The following RPIA variants were observed in gnomAD, a reference collection of about 807,000 sequenced individuals.
The protein encoded by RPIA is ribose 5-phosphate isomerase A.
In RPIA, 29 loss-of-function variants were observed where a neutral mutation model predicts 37.8. That is an observed-to-expected ratio of 0.77 (90% confidence interval 0.57 to 1.05). RPIA has a LOEUF of 1.05. RPIA is among the 50% of genes least tolerant of loss of function. The pLI is 0.00. For synonymous variants in RPIA, 167 were observed against 157.0 expected (o/e 1.06, Z -0.48); for missense variants, 385 against 413.6 (o/e 0.93, Z 0.60).
intron 4 of RPIA, among the ~76,000 whole-genome samples, 161 bp from the exon 5 acceptor site, chr2:88,734,391 G>A (rs2104131487): frequency 6.6e-6 from 1 of 152,302 alleles, no homozygotes; most frequent in South Asian, 2.1e-4. Flanking sequence ...TCCTAGTGGA[G>A]CAGCTTAACC....
chr2:88,707,894 C>G (rs1426844429), intron 3 of RPIA, among the ~76,000 whole-genome samples: 2 of 152,180 alleles, frequency 1.3e-5, no homozygotes, highest in African/African-American at 2.4e-5. Flanking sequence ...GTGGGGGCCT[C>G]TTGATAGTTT....
chr2:88,710,050 C>G (rs1295163036), intron 3 of RPIA, among the ~76,000 whole-genome samples: 7 of 151,904 alleles, frequency 4.6e-5, no homozygotes, highest in Non-Finnish European at 1.0e-4. Flanking sequence ...CAAGGCAGTT[C>G]TTTTGTTTTT....
intron 3 of RPIA, among the ~76,000 whole-genome samples, chr2:88,713,829 A>C (rs571626879): frequency 6.7e-6 from 1 of 149,286 alleles, no homozygotes; most frequent in East Asian, 1.9e-4. Flanking sequence ...CTTTGTTCTC[A>C]TGTGTTCAGT....
intron 8 of RPIA, among the ~76,000 whole-genome samples, chr2:88,739,037 A>C (rs1447662176): frequency 1.3e-5 from 2 of 152,182 alleles, no homozygotes; most frequent in Non-Finnish European, 2.9e-5. Flanking sequence ...CCCTGCGTGA[A>C]GGATGGGTGG....
At position 88,738,067 on chromosome 2, in the gene RPIA, A is replaced by G; in HGVS notation, c.829A>G (p.Met277Val). 6.2e-7 allele frequency: 1 copy of G among 1,612,610 alleles called. No homozygotes were observed. Among genetic ancestry groups the G allele is most frequent in the Non-Finnish European group, 8.5e-7 (1 of 1,178,650 alleles). Residue 277 changes from methionine to valine, a missense_variant, in exon 8 of 9, where the codon ATG becomes GTG. Transcript: ENST00000283646. ...GAGTGAAGTGAATACAGCTATCAAA[A>G]TGATCCCAGGTAACATGAGTGGTGT... The part of the protein sequence containing the change: ...KWSEVNTAIK[M>V]IPGVVDTGLF...
intron 1 of RPIA, among the ~76,000 whole-genome samples, chr2:88,694,531 AAC>A (rs775314373): frequency 6.6e-6 from 1 of 152,018 alleles, no homozygotes; most frequent in Non-Finnish European, 1.5e-5. Flanking sequence ...TGATATTTTA[AAC>A]ACACACACAC....
rs1673494729 is a variant in RPIA at position 88,750,621 on chromosome 2, G to T, written c.*543G>T. ...CTTAAGATCAGGTTTATAAAACTGT[G>T]GAGTGGAGCGGTATGGTATGGAATG... On this transcript the variant is annotated 3_prime_UTR_variant, in exon 9 of 9. Coordinates refer to ENST00000283646, the MANE Select transcript of RPIA (RefSeq NM_144563.3). 3 of 405,138 alleles carry T rather than the reference G, an allele frequency of 7.4e-6. No homozygotes were observed. 25.1% of individuals were successfully genotyped at this position (405,138 alleles called of 1,614,324 possible).
At chr2:88,724,001 A>G (rs1297843423) in intron 3 of RPIA, among the ~76,000 whole-genome samples, 4 of 152,286 alleles carry the variant, frequency 2.6e-5, no homozygotes, top group Non-Finnish European at 5.9e-5. Flanking sequence ...AAAGGAGGCA[A>G]TCAGATATGC....
At chr2:88,722,310 A>G (rs1156471510) in intron 3 of RPIA, among the ~76,000 whole-genome samples, 1 of 152,206 alleles carries the variant, frequency 6.6e-6, no homozygotes, top group South Asian at 2.1e-4. Context: ...ATATTTTCCT[A>G]CAATATATTT....
chr2:88,722,703 G>A (rs890854715), intron 3 of RPIA, among the ~76,000 whole-genome samples: 1 of 152,190 alleles, frequency 6.6e-6, no homozygotes, highest in Admixed American at 6.5e-5. Flanking sequence ...TGCCCCCACA[G>A]CCAAAGAGGT....
chr2:88,735,726 C>A lies in RPIA; in HGVS notation c.585C>A (p.Ile195=). 3.1e-6 allele frequency: 5 copies of A among 1,613,964 alleles called. No individual in the cohort carries two copies. Among genetic ancestry groups the A allele is most frequent in the East Asian group, 2.2e-5 (1 of 44,870 alleles). Residue 195 remains isoleucine (I), a synonymous_variant, in exon 6 of 9, where the codon ATC becomes ATA. Transcript: ENST00000283646. ...GCTATGCTAGTCGCTTCATCGTGAT[C>A]GCTGATTTCAGGTACAGTTTCTGGT... The part of the protein sequence containing the change: ...VAGYASRFIV[I]ADFRKDSKNL...
At chr2:88,702,242 A>G (rs1672841424) in intron 3 of RPIA, among the ~76,000 whole-genome samples, 1 of 152,236 alleles carries the variant, frequency 6.6e-6, no homozygotes, top group African/African-American at 2.4e-5. Flanking sequence ...ACCAAATGGC[A>G]GTATAATTTA....
intron 3 of RPIA, among the ~76,000 whole-genome samples, chr2:88,723,218 A>G (rs965754980): frequency 2.0e-4 from 31 of 152,292 alleles, no homozygotes; most frequent in African/African-American, 7.5e-4. Context: ...AAGACCAACT[A>G]GTTATTAAGC....
At chr2:88,717,510 T>G (rs1051878316) in intron 3 of RPIA, among the ~76,000 whole-genome samples, 14 of 152,294 alleles carry the variant, frequency 9.2e-5, no homozygotes, top group Non-Finnish European at 1.6e-4. Context: ...GGTTGCATTC[T>G]TTTGAGTTTC....
chr2:88,741,727 C>A (rs1183307553), intron 8 of RPIA, among the ~76,000 whole-genome samples: 1 of 152,202 alleles, frequency 6.6e-6, no homozygotes, highest in African/African-American at 2.4e-5. Context: ...TTCACTGCAT[C>A]CATGCCAACA....
rs771291712 is a variant in RPIA, at chr2:88,700,003, C to T, written c.347-6C>T. The T allele has an allele frequency of 1.2e-6, 2 of 1,614,138 alleles. No homozygotes were observed. The highest frequency in any genetic ancestry group is 1.7e-6 in the Non-Finnish European group (2 of 1,179,980). ...AAAACTGCCAATATGGCTTTTGTTT[C>T]CACAGCTGAAAGGGTGAAGCAAGAG... On this transcript the variant is annotated splice_region_variant and splice_polypyrimidine_tract_variant and intron_variant, in intron 2 of 8. Transcript: ENST00000283646.
chr2:88,700,187 A>G (rs1037828334), intron 3 of RPIA, 123 bp downstream of exon 3: 2 of 893,872 alleles, frequency 2.2e-6, no homozygotes, highest in African/African-American at 3.3e-5. Context: ...GTCCAGGAAT[A>G]GGAGAGTTTA....
At chr2:88,720,687 A>G (rs998966003) in intron 3 of RPIA, among the ~76,000 whole-genome samples, 7 of 151,784 alleles carry the variant, frequency 4.6e-5, no homozygotes, top group Non-Finnish European at 1.0e-4. Flanking sequence ...ACTGGTTAGA[A>G]TGGCTATCAT....
At chr2:88,719,964 C>A (rs1012164588) in intron 3 of RPIA, among the ~76,000 whole-genome samples, 2 of 152,158 alleles carry the variant, frequency 1.3e-5, no homozygotes, top group Non-Finnish European at 2.9e-5. Context: ...TTGGCCCTTA[C>A]AATCTCACAC....
Sources: gnomAD v4.1 joint callset for allele counts (sites outside exome capture counted in the v4.1 genomes callset) on GRCh38, gnomAD v4.1.1 for gene constraint, MANE v1.5 for transcripts, NCBI Gene and HGNC (gene_info 2026-07-23, HGNC 2026-07-21) for gene names.